TMEM156: variants seen among roughly 807,000 people sequenced by gnomAD.
TMEM156 encodes the protein transmembrane protein 156.
Under a neutral mutation model 30.5 loss-of-function variants are expected in TMEM156, and 28 were observed. That is an observed-to-expected ratio of 0.92 (90% CI 0.68 to 1.26). The LOEUF is 1.26. Ranked by LOEUF, TMEM156 falls within the 50% of genes most tolerant of loss-of-function variation. The probability of loss-of-function intolerance (pLI) is 0.00; values close to 1 mark genes in which losing one functional copy is unlikely to be tolerated. For missense variants in TMEM156, 351 were observed against 340.6 expected (o/e 1.03, Z -0.24); for synonymous variants, 137 against 119.9 (o/e 1.14, Z -0.93).
Position 38,967,354 on chromosome 4 carries a change from A to T in TMEM156, c.*326T>A, listed in dbSNP as rs1450662955. 5 of 152,152 alleles carry T rather than the reference A, an allele frequency of 3.3e-5. No homozygotes were observed. In the East Asian group the frequency reaches 9.6e-4, roughly 29 times the overall value. The allele number at this position is 152,152 out of a possible 1,614,324, so 9.4% of individuals were successfully genotyped here. A position where few individuals can be genotyped will look rare whatever the true frequency, so the allele number is the denominator to read the frequency against. On this transcript the variant is annotated 3_prime_UTR_variant, in exon 7 of 7. Coordinates refer to ENST00000381938, the MANE Select transcript of TMEM156 (RefSeq NM_024943.3). ...TGGCTCCACTCTGTGCTGTATAATG[A>T]TAGATTTTTTTTAAGAAGAGAGAGA...
chr4:39,031,727 T>C (rs1431051077), intron 1 of TMEM156, among the ~76,000 whole-genome samples: 1 of 151,432 alleles, frequency 6.6e-6, no homozygotes, highest in Non-Finnish European at 1.5e-5. Context: ...CTACTAAAAA[T>C]ACAAAAATTA....
At chr4:38,981,829 T>C (rs948581963) in intron 5 of TMEM156, among the ~76,000 whole-genome samples, 13 of 152,172 alleles carry the variant, frequency 8.5e-5, no homozygotes, top group Non-Finnish European at 1.8e-4. Flanking sequence ...TGTTGGAAGC[T>C]CTATAAAGGC....
intron 2 of TMEM156, among the ~76,000 whole-genome samples, chr4:38,996,086 A>C (rs1050878489): frequency 3.3e-5 from 5 of 152,168 alleles, no homozygotes; most frequent in African/African-American, 1.2e-4. Context: ...ATTGCAAAAA[A>C]TATATATATC....
intron 2 of TMEM156, among the ~76,000 whole-genome samples, chr4:38,996,154 G>T (rs1712910227): frequency 6.6e-6 from 1 of 151,782 alleles, no homozygotes; most frequent in African/African-American, 2.4e-5. Flanking sequence ...AAGATATATG[G>T]CCTATTGATA....
chr4:39,005,955 GTA>G (rs1181184226), intron 1 of TMEM156, among the ~76,000 whole-genome samples: 1 of 151,874 alleles, frequency 6.6e-6, no homozygotes, highest in Non-Finnish European at 1.5e-5. Context: ...GAGTGCAGTG[GTA>G]CGATCTCGGC....
intron 1 of TMEM156, among the ~76,000 whole-genome samples, chr4:39,017,369 C>T (rs547428993): frequency 9.2e-5 from 14 of 151,460 alleles, no homozygotes; most frequent in Middle Eastern, 3.4e-3. Context: ...TTAGTAGAGA[C>T]GGGGTTTCAT....
At chr4:39,003,940 A>G (rs1431562916) in intron 1 of TMEM156, among the ~76,000 whole-genome samples, 1 of 152,184 alleles carries the variant, frequency 6.6e-6, no homozygotes, top group Non-Finnish European at 1.5e-5. Context: ...AGAATTGATG[A>G]CAGATCCTTT....
chr4:38,985,536 G>T (rs948744204), intron 5 of TMEM156, among the ~76,000 whole-genome samples: 4 of 152,154 alleles, frequency 2.6e-5, no homozygotes, highest in African/African-American at 7.2e-5. Context: ...GGGACTGGAG[G>T]TTTGCTCGGC....
At chr4:38,978,650 C>A (rs1560356520) in intron 5 of TMEM156, among the ~76,000 whole-genome samples, 4 of 152,172 alleles carry the variant, frequency 2.6e-5, no homozygotes, top group Admixed American at 2.0e-4. Flanking sequence ...GATCAGCACA[C>A]AGACACACAA....
intron 6 of TMEM156, among the ~76,000 whole-genome samples, chr4:38,970,249 A>G (rs1382420118): frequency 6.6e-6 from 1 of 150,772 alleles, no homozygotes; most frequent in African/African-American, 2.4e-5. Context: ...GCAGGGCCCC[A>G]CTCTTCCTAG....
intron 5 of TMEM156, among the ~76,000 whole-genome samples, chr4:38,977,377 T>C (rs1272586116): frequency 6.6e-6 from 1 of 152,210 alleles, no homozygotes; most frequent in Admixed American, 6.5e-5. Flanking sequence ...CAGAAAGCGA[T>C]TGCCTGTCAA....
At chr4:39,017,018 A>G (rs148263520) in intron 1 of TMEM156, among the ~76,000 whole-genome samples, 3,466 of 152,126 alleles carry the variant, frequency 0.023, 61 homozygotes, top group Middle Eastern at 0.044. Context: ...ATCTCATGAT[A>G]TTTATTCACT....
At chr4:38,994,808 C>T (rs142274973) in intron 2 of TMEM156, among the ~76,000 whole-genome samples, 202 of 152,106 alleles carry the variant, frequency 1.3e-3, no homozygotes, top group African/African-American at 4.7e-3. Flanking sequence ...ATTAGCCAGG[C>T]GTGGTGATGT....
At chr4:38,978,971 C>G (rs1723039055) in intron 5 of TMEM156, among the ~76,000 whole-genome samples, 2 of 152,186 alleles carry the variant, frequency 1.3e-5, no homozygotes. Flanking sequence ...ATTTTAAGAC[C>G]TAACCAACAT....
intron 1 of TMEM156, among the ~76,000 whole-genome samples, chr4:39,001,810 T>C (rs1046131840): frequency 6.7e-6 from 1 of 149,242 alleles, no homozygotes; most frequent in East Asian, 2.0e-4. Flanking sequence ...TAAATGGTGC[T>C]GGGAAAACTG....
chr4:39,006,200 T>C (rs1430804650), intron 1 of TMEM156, among the ~76,000 whole-genome samples: 1 of 152,182 alleles, frequency 6.6e-6, no homozygotes, highest in Non-Finnish European at 1.5e-5. Context: ...GGCAGTTCTT[T>C]CTTTTTGACA....
intron 5 of TMEM156, among the ~76,000 whole-genome samples, chr4:38,980,499 A>C (rs1457114581): frequency 6.6e-6 from 1 of 152,242 alleles, no homozygotes; most frequent in African/African-American, 2.4e-5. Flanking sequence ...TTATGCTATG[A>C]GCTGGGGATG....
chr4:38,974,161 C>T (rs964637063), intron 5 of TMEM156, among the ~76,000 whole-genome samples: 3 of 150,238 alleles, frequency 2.0e-5, no homozygotes, highest in African/African-American at 7.3e-5. Flanking sequence ...TGGATATACA[C>T]AAGTAAGATT....
At chr4:39,024,001 A>G (rs1715039494) in intron 1 of TMEM156, among the ~76,000 whole-genome samples, 2 of 152,224 alleles carry the variant, frequency 1.3e-5, no homozygotes, top group South Asian at 4.1e-4. Flanking sequence ...AGGAGATTTG[A>G]AAGGAAAGAG....
Sources: allele counts gnomAD v4.1 joint callset (sites outside exome capture counted in the v4.1 genomes callset), GRCh38; gene constraint gnomAD v4.1.1; transcripts MANE v1.5; gene names NCBI Gene and HGNC (gene_info 2026-07-23, HGNC 2026-07-21).